Variants in MAP1LC3B2 observed in about 807,000 individuals in gnomAD.
MAP1LC3B2 encodes the protein microtubule associated protein 1 light chain 3 beta 2.
For synonymous variants in MAP1LC3B2, 62 were observed against 57.8 expected (o/e 1.07, Z -0.33); for missense variants, 155 against 154.6 (o/e 1.00, Z -0.01).
At chr12:116,564,413 T>C (rs1869340459) in intron 1 of MAP1LC3B2, among the ~76,000 whole-genome samples, 1 of 152,202 alleles carries the variant, frequency 6.6e-6, no homozygotes, top group South Asian at 2.1e-4. Flanking sequence ...TTTAAGGCTT[T>C]TTTTTAAGCT....
At chr12:116,561,379 A>C (rs1869267421) in intron 1 of MAP1LC3B2, among the ~76,000 whole-genome samples, 1 of 152,168 alleles carries the variant, frequency 6.6e-6, no homozygotes, top group South Asian at 2.1e-4. Context: ...TTGCAGCTAC[A>C]AACCAAGGAT....
intron 1 of MAP1LC3B2, among the ~76,000 whole-genome samples, chr12:116,562,781 C>G (rs1285676275): frequency 6.6e-6 from 1 of 152,170 alleles, no homozygotes; most frequent in African/African-American, 2.4e-5. Context: ...GTTTCTGTGT[C>G]TTGATTCTGG....
At chr12:116,573,082 C>T (rs1869581620) in intron 1 of MAP1LC3B2, among the ~76,000 whole-genome samples, 1 of 152,088 alleles carries the variant, frequency 6.6e-6, no homozygotes, top group Non-Finnish European at 1.5e-5. Flanking sequence ...TGCCACAATG[C>T]CCAGCTGATT....
intron 1 of MAP1LC3B2, among the ~76,000 whole-genome samples, chr12:116,568,090 C>T (rs1183507132): frequency 6.6e-6 from 1 of 152,232 alleles, no homozygotes; most frequent in Non-Finnish European, 1.5e-5. Context: ...TTTTGCCAAA[C>T]CAGACTCCAA....
At chr12:116,571,267 A>C (rs1166154240) in intron 1 of MAP1LC3B2, among the ~76,000 whole-genome samples, 4 of 152,126 alleles carry the variant, frequency 2.6e-5, no homozygotes, top group Non-Finnish European at 5.9e-5. Flanking sequence ...GGAAGTGCAC[A>C]GTAAAACACT....
chr12:116,571,455 G>GTTT lies in MAP1LC3B2; in HGVS notation c.-101-4385_-101-4384insTTT, dbSNP rs1869529426. On this transcript the variant is annotated intron_variant, in intron 1 of 1. Coordinates refer to ENST00000556529, the MANE Select transcript of MAP1LC3B2 (RefSeq NM_001085481.3). ...GAATAGATGGGAGTAAGGGACTGCT[G>GTTT]TTCTTTTTTTTTTTTTTTTTTTTTT... is the stretch of plus-strand genomic sequence containing the variant. Among the ~76,000 whole-genome samples the GTTT allele has an allele frequency of 4.4e-5, 3 of 67,944 alleles. No homozygotes were observed. In the Admixed American group the frequency reaches 7.3e-4, roughly 17 times the overall value. The allele number at this position is 67,944 out of a possible 152,430, so 44.6% of individuals were successfully genotyped here.
At position 116,559,390 on chromosome 12, in the gene MAP1LC3B2, G is replaced by C. The variant is rs10850665; in HGVS notation, c.-145G>C. The C allele has an allele frequency of 0.18, 27,906 of 152,148 alleles. 2,684 individuals are homozygous for C. Among genetic ancestry groups the C allele is most frequent in the South Asian group, 0.24 (1,166 of 4,818 alleles). The allele number at this position is 152,148 out of a possible 1,614,324, so 9.4% of individuals were successfully genotyped here. A position where few individuals can be genotyped will look rare whatever the true frequency, so the allele number is the denominator to read the frequency against. On this transcript the variant is annotated 5_prime_UTR_variant, in exon 1 of 2. Transcript: ENST00000556529. The stretch of plus-strand genomic sequence containing the variant: ...TTCTCTCTCTGCCTCCGCAAGGCTC[G>C]CAGCCACCTCTCGGGAGTGCAGGGC...
intron 1 of MAP1LC3B2, among the ~76,000 whole-genome samples, chr12:116,562,888 G>A (rs550396917): frequency 6.6e-6 from 1 of 152,180 alleles, no homozygotes; most frequent in African/African-American, 2.4e-5. Flanking sequence ...ATGATTTCTG[G>A]CATTCTTCAT....
intron 1 of MAP1LC3B2, chr12:116,560,128 T>C (rs1269958937): frequency 2.1e-5 from 3 of 145,268 alleles, no homozygotes; most frequent in Non-Finnish European, 3.0e-5. Context: ...CTGGTGGCGC[T>C]CTCCTGATCT....
intron 1 of MAP1LC3B2, among the ~76,000 whole-genome samples, chr12:116,564,714 T>C (rs768870891): frequency 3.0e-4 from 45 of 152,252 alleles, no homozygotes; most frequent in Non-Finnish European, 5.4e-4. Context: ...TTTCTGGCAC[T>C]ATGTGTCCAT....
intron 1 of MAP1LC3B2, among the ~76,000 whole-genome samples, chr12:116,561,991 T>A (rs935529485): frequency 4.0e-5 from 6 of 151,298 alleles, no homozygotes; most frequent in Admixed American, 6.6e-5. Flanking sequence ...ACCCCCTCAT[T>A]CCAGGAGAGG....
chr12:116,562,855 A>G (rs1869305733), intron 1 of MAP1LC3B2, among the ~76,000 whole-genome samples: 1 of 152,232 alleles, frequency 6.6e-6, no homozygotes, highest in Non-Finnish European at 1.5e-5. Context: ...ATACAGAAGC[A>G]TTTTATATCT....
At chr12:116,570,757 C>T (rs1009417290) in intron 1 of MAP1LC3B2, among the ~76,000 whole-genome samples, 13 of 152,176 alleles carry the variant, frequency 8.5e-5, no homozygotes, top group African/African-American at 3.1e-4. Flanking sequence ...TCTTTATCAG[C>T]CACATGAAAA....
At chr12:116,567,448 C>CTTT (rs35722581) in intron 1 of MAP1LC3B2, among the ~76,000 whole-genome samples, 6 of 127,852 alleles carry the variant, frequency 4.7e-5, no homozygotes, top group South Asian at 2.5e-4. Flanking sequence ...CTTTGCAAAT[C>CTTT]TTTTTTTTTT....
At chr12:116,570,975 C>T (rs1025935769) in intron 1 of MAP1LC3B2, among the ~76,000 whole-genome samples, 2 of 152,162 alleles carry the variant, frequency 1.3e-5, no homozygotes, top group Non-Finnish European at 1.5e-5. Flanking sequence ...TTGCAACTTC[C>T]TTGTGATAAA....
intron 1 of MAP1LC3B2, among the ~76,000 whole-genome samples, chr12:116,568,397 A>C (rs1012835196): frequency 6.6e-6 from 1 of 152,184 alleles, no homozygotes. Flanking sequence ...TTGCTCCTTC[A>C]CTGGGTCCTC....
chr12:116,567,443 C>A (rs977266961), intron 1 of MAP1LC3B2, among the ~76,000 whole-genome samples: 3 of 145,682 alleles, frequency 2.1e-5, no homozygotes, highest in Admixed American at 7.1e-5. Flanking sequence ...GACTGCTTTG[C>A]AAATCTTTTT....
intron 1 of MAP1LC3B2, among the ~76,000 whole-genome samples, chr12:116,575,375 CTTTA>C (rs1037433802): frequency 1.1e-3 from 163 of 152,236 alleles, no homozygotes; most frequent in African/African-American, 3.8e-3. Context: ...CGGCTATTAA[CTTTA>C]TTTTAGATAA....
intron 1 of MAP1LC3B2, among the ~76,000 whole-genome samples, chr12:116,572,369 C>T (rs1274956358): frequency 3.4e-5 from 5 of 146,822 alleles, no homozygotes; most frequent in African/African-American, 5.0e-5. Flanking sequence ...TGCCTCAGTT[C>T]TTTTTTTTTT....
Sources: gnomAD v4.1 joint callset for allele counts (sites outside exome capture counted in the v4.1 genomes callset) on GRCh38, gnomAD v4.1.1 for gene constraint, MANE v1.5 for transcripts, NCBI Gene and HGNC (gene_info 2026-07-23, HGNC 2026-07-21) for gene names.